USP15: variants seen among roughly 807,000 people sequenced by gnomAD.
USP15 encodes the protein ubiquitin specific peptidase 15, also known as ubiquitin carboxyl-terminal hydrolase 15.
Under a neutral mutation model 127.1 loss-of-function variants are expected in USP15, and 18 were observed. The observed-to-expected ratio is 0.14, with a 90% CI of 0.10 to 0.21. USP15 has a LOEUF of 0.21. USP15 is among the 10% of genes least tolerant of loss of function. The pLI is 1.00. For synonymous variants in USP15, 364 were observed against 393.7 expected (o/e 0.92, Z 0.89); for missense variants, 805 against 1,159.9 (o/e 0.69, Z 4.44).
At chr12:62,390,073 T>C (rs2067274425) in intron 14 of USP15, 85 bp downstream of exon 14, 1 of 1,266,204 alleles carries the variant, frequency 7.9e-7, no homozygotes, top group Admixed American at 2.9e-5. Context: ...CATAAGGTAC[T>C]ATTGGAATAT....
chr12:62,277,646 G>C (rs1565810608), intron 1 of USP15: 1 of 151,378 alleles, frequency 6.6e-6, no homozygotes, highest in South Asian at 2.1e-4. Context: ...CAAATCAGAA[G>C]AAGAATTATT....
intron 8 of USP15, among the ~76,000 whole-genome samples, chr12:62,357,142 G>C (rs2066156536): frequency 6.6e-6 from 1 of 151,956 alleles, no homozygotes; most frequent in Admixed American, 6.6e-5. Flanking sequence ...ATTTGAATCT[G>C]TCAGGAGAGC....
chr12:62,396,509 C>A, intron 20 of USP15, 111 bp downstream of exon 20: 2 of 901,542 alleles, frequency 2.2e-6, no homozygotes, highest in Non-Finnish European at 1.8e-6. Flanking sequence ...ATGTGTCTTG[C>A]ATATAGTAGT....
intron 8 of USP15, among the ~76,000 whole-genome samples, chr12:62,376,873 A>G (rs1257825329): frequency 1.3e-5 from 2 of 152,144 alleles, no homozygotes; most frequent in Admixed American, 6.5e-5. Flanking sequence ...TTCTACTGCT[A>G]CCTACACATG....
At chr12:62,350,100 A>G (rs1028020971) in intron 7 of USP15, among the ~76,000 whole-genome samples, 1 of 151,786 alleles carries the variant, frequency 6.6e-6, no homozygotes, top group Non-Finnish European at 1.5e-5. Flanking sequence ...TTAGTATTAG[A>G]TATTTATCTA....
chr12:62,349,488 G>A (rs537604901), intron 7 of USP15, among the ~76,000 whole-genome samples, 181 bp downstream of exon 7: 1 of 151,978 alleles, frequency 6.6e-6, no homozygotes, highest in East Asian at 1.9e-4. Context: ...ATTGCTTCTT[G>A]ATTTAATACA....
intron 9 of USP15, 126 bp downstream of exon 9, chr12:62,381,789 C>A: frequency 1.2e-6 from 1 of 802,362 alleles, no homozygotes; most frequent in Non-Finnish European, 1.9e-6. Flanking sequence ...GAACACAGTA[C>A]ATAAATAGAT....
chr12:62,349,325 A>C lies in USP15; in HGVS notation c.770+18A>C. 1 of 1,434,348 alleles carries C rather than the reference A, an allele frequency of 7.0e-7. No individual in the cohort carries two copies. The highest frequency in any genetic ancestry group is 1.4e-5 in the African/African-American group (1 of 69,052). The allele number at this position is 1,434,348 out of a possible 1,614,324, so 88.9% of individuals were successfully genotyped here. A position where few individuals can be genotyped will look rare whatever the true frequency, so the allele number is the denominator to read the frequency against. The stretch of plus-strand genomic sequence containing the variant: ...AACAGAAAGTAAGCACTGAATCTTA[A>C]AAACTCTTTGTTTAATTGATCACCC... On this transcript the variant is annotated intron_variant, in intron 7 of 21. Coordinates refer to ENST00000280377, the MANE Select transcript of USP15 (RefSeq NM_001252078.2).
intron 1 of USP15, among the ~76,000 whole-genome samples, chr12:62,287,100 A>G (rs983241212): frequency 1.3e-5 from 2 of 152,138 alleles, no homozygotes; most frequent in Non-Finnish European, 2.9e-5. Flanking sequence ...TCTCACTTAT[A>G]AGTAGGAGCT....
chr12:62,390,974 C>T lies in USP15; in HGVS notation c.1955C>T (p.Ser652Leu), dbSNP rs2067308635. 1.9e-6 allele frequency: 3 copies of T among 1,609,346 alleles called. No homozygotes were observed. Among genetic ancestry groups the T allele is most frequent in the South Asian group, 1.1e-5 (1 of 90,284 alleles). Residue 652 changes from serine to leucine, a missense_variant, in exon 15 of 22, where the codon TCA becomes TTA. By Grantham distance (145) the Ser-to-Leu change is moderately radical (BLOSUM62 -2). Around this residue, in one of 11 missense-constraint regions of USP15, gnomAD observed 225 missense variants for 239.5 expected, o/e 0.94. Coordinates refer to ENST00000280377, the MANE Select transcript of USP15 (RefSeq NM_001252078.2). ...NGPNGIHEEG[S>L]PSEMETDEPD... ...CCAAATGGCATACATGAAGAAGGCT[C>T]ACCAAGTAAGACTTTTCTGTTAAAT... is the stretch of plus-strand genomic sequence containing the variant.
At chr12:62,351,071 T>A (rs1429741271) in intron 7 of USP15, among the ~76,000 whole-genome samples, 3 of 152,156 alleles carry the variant, frequency 2.0e-5, no homozygotes, top group Non-Finnish European at 4.4e-5. Flanking sequence ...TTCTGAGTGT[T>A]TGGAGTACTA....
intron 21 of USP15, among the ~76,000 whole-genome samples, chr12:62,403,843 G>C (rs569168588): frequency 6.6e-6 from 1 of 152,102 alleles, no homozygotes; most frequent in African/African-American, 2.4e-5. Context: ...TATTAGAAGG[G>C]AGGAATTTAC....
intron 1 of USP15, among the ~76,000 whole-genome samples, chr12:62,265,464 G>A (rs112375550): frequency 6.6e-6 from 1 of 152,168 alleles, no homozygotes; most frequent in African/African-American, 2.4e-5. Context: ...TCACATAGTG[G>A]TATAGCTGGG....
intron 1 of USP15, among the ~76,000 whole-genome samples, chr12:62,272,807 C>G (rs2063373819): frequency 1.3e-5 from 2 of 152,000 alleles, no homozygotes; most frequent in Admixed American, 6.6e-5. Context: ...ATATTTAGCA[C>G]CATACAATTT....
chr12:62,373,626 G>A (rs376731585), intron 8 of USP15, among the ~76,000 whole-genome samples: 7 of 151,590 alleles, frequency 4.6e-5, no homozygotes, highest in African/African-American at 1.5e-4. Flanking sequence ...CTTCACTGAC[G>A]GGGGAAAAAA....
intron 3 of USP15, among the ~76,000 whole-genome samples, chr12:62,312,493 C>T (rs1001418771): frequency 6.6e-6 from 1 of 151,628 alleles, no homozygotes; most frequent in African/African-American, 2.4e-5. Context: ...AGTAAAGAGA[C>T]TTTGCCTTCA....
intron 7 of USP15, among the ~76,000 whole-genome samples, chr12:62,352,768 G>A (rs2065999400): frequency 6.6e-6 from 1 of 151,754 alleles, no homozygotes; most frequent in Non-Finnish European, 1.5e-5. Flanking sequence ...TATAAAGTCA[G>A]GTGTCAGTGC....
At chr12:62,370,315 A>G (rs1307693884) in intron 8 of USP15, among the ~76,000 whole-genome samples, 3 of 152,102 alleles carry the variant, frequency 2.0e-5, no homozygotes, top group Admixed American at 1.3e-4. Context: ...TCATCTGGGA[A>G]GTAGAGTGAG....
At chr12:62,309,282 A>G (rs1449629398) in intron 3 of USP15, among the ~76,000 whole-genome samples, 1 of 152,106 alleles carries the variant, frequency 6.6e-6, no homozygotes, top group East Asian at 1.9e-4. Context: ...TTTTGAAAAG[A>G]TTATGTTTTG....
Sources: gnomAD v4.1 joint callset for allele counts (sites outside exome capture counted in the v4.1 genomes callset) on GRCh38, gnomAD v4.1.1 for gene constraint, gnomAD v4.1.1 regional missense constraint, MANE v1.5 for transcripts, NCBI Gene and HGNC (gene_info 2026-07-23, HGNC 2026-07-21) for gene names.